The following SLC1A3 variants were observed in gnomAD, a reference collection of about 807,000 sequenced individuals.
The protein encoded by SLC1A3 is excitatory amino acid transporter 1.
SLC1A3 carries 21 observed loss-of-function variants against 48.1 expected under a neutral mutation model. That is an observed-to-expected ratio of 0.44 (90% CI 0.31 to 0.63). SLC1A3 has a LOEUF of 0.63. SLC1A3 is among the 20% of genes least tolerant of loss of function. The pLI, the probability that SLC1A3 is intolerant of heterozygous loss-of-function variation, is 0.08. For synonymous variants in SLC1A3, 239 were observed against 251.4 expected, an observed-to-expected ratio of 0.95 and a Z score of 0.47; for missense variants, 546 against 689.0, an observed-to-expected ratio of 0.79 and a Z score of 2.32.
At chr5:36,670,000 A>G (rs1302515096) in intron 3 of SLC1A3, 1 of 152,016 alleles carries the variant, frequency 6.6e-6, no homozygotes, top group Non-Finnish European at 1.5e-5. Context: ...GGATTACACT[A>G]TAATTGGATT....
chr5:36,622,984 C>A (rs1177057389), intron 2 of SLC1A3, among the ~76,000 whole-genome samples: 1 of 148,206 alleles, frequency 6.7e-6, no homozygotes, highest in South Asian at 2.1e-4. Flanking sequence ...TGCACTGCAG[C>A]CTGGGCTACA....
chr5:36,652,350 T>C (rs1205034570), intron 3 of SLC1A3, among the ~76,000 whole-genome samples: 1 of 151,748 alleles, frequency 6.6e-6, no homozygotes, highest in Non-Finnish European at 1.5e-5. Flanking sequence ...ACACACAACA[T>C]TCACTCTCCT....
chr5:36,662,660 G>T (rs963071631), intron 3 of SLC1A3, among the ~76,000 whole-genome samples: 1 of 152,228 alleles, frequency 6.6e-6, no homozygotes, highest in Non-Finnish European at 1.5e-5. Flanking sequence ...ACCTCGCAGC[G>T]GGGCTCGCGC....
chr5:36,617,157 G>A (rs951547703), intron 2 of SLC1A3, among the ~76,000 whole-genome samples: 1 of 151,944 alleles, frequency 6.6e-6, no homozygotes, highest in Non-Finnish European at 1.5e-5. Flanking sequence ...TTTCAGATTC[G>A]CTTCCTTGTC....
chr5:36,676,023 T>C (rs911314505), intron 5 of SLC1A3, among the ~76,000 whole-genome samples: 2 of 152,192 alleles, frequency 1.3e-5, no homozygotes, highest in Admixed American at 1.3e-4. Flanking sequence ...TTTACTTGTT[T>C]CATGTGGCCA....
chr5:36,679,873 G>A lies in SLC1A3; in HGVS notation c.1094+13G>A. ...GGACCTCTTCAAGGTATGTATGTATGTGTGGAAAATGAGTCTGAAATGTTA... is the reference window on the plus strand; with the variant it reads ...GGACCTCTTCAAGGTATGTATGTATATGTGGAAAATGAGTCTGAAATGTTA... On this transcript the variant is annotated intron_variant, in intron 7 of 9. Coordinates refer to ENST00000265113, the MANE Select transcript of SLC1A3 (RefSeq NM_004172.5). 6.3e-7 allele frequency: 1 copy of A among 1,583,146 alleles called. No homozygotes were observed. Among genetic ancestry groups the A allele is most frequent in the Non-Finnish European group, 8.7e-7 (1 of 1,151,920 alleles).
In SLC1A3 at chr5:36,676,962, T is replaced by C; in HGVS notation, c.638T>C (p.Val213Ala). 1 of 1,614,078 alleles carries C rather than the reference T, an allele frequency of 6.2e-7. No homozygotes were observed. ...IQANETLVGA[V>A]INNVSEAMET... ...GCCAACGAAACGCTTGTGGGTGCTG[T>C]GATAAACAATGTGTCTGAGGCCATG... Residue 213 changes from valine (V) to alanine (A), a missense_variant, in exon 6 of 10, where the codon GTG becomes GCG. Val to Ala is a moderately conservative substitution (Grantham distance 64). Coordinates refer to ENST00000265113, the MANE Select transcript of SLC1A3 (RefSeq NM_004172.5).
rs17853737 is a variant in SLC1A3, at chr5:36,686,086, C to T, written c.1446C>T (p.Thr482=). The change falls in exon 10 of 10, where the codon ACC becomes ACT. Residue 482 remains threonine, a synonymous_variant. Transcript: ENST00000265113. ...GCAGGGATCGCCTCCGGACCACCAC[C>T]AACGTACTGGGAGACTCCCTGGGAG... is the stretch of plus-strand genomic sequence containing the variant. ...DWFLDRLRTT[T]NVLGDSLGAG... 3 of 1,614,124 alleles carry T rather than the reference C, an allele frequency of 1.9e-6. No homozygotes were observed. Among genetic ancestry groups the T allele is most frequent in the East Asian group, 4.5e-5 (2 of 44,872 alleles).
chr5:36,671,180 A>G lies in SLC1A3; in HGVS notation c.471A>G (p.Arg157=), dbSNP rs1216325178. The G allele has an allele frequency of 1.2e-6, 2 of 1,614,008 alleles. No homozygotes were observed. The highest frequency in any genetic ancestry group is 1.7e-6 in the Non-Finnish European group (2 of 1,179,882). Residue 157 remains arginine, a synonymous_variant, in exon 4 of 10, where the codon AGA becomes AGG. Transcript: ENST00000265113. ...PGKGTKENMH[R]EGKIVRVTAA... ...AGGGCACAAAGGAAAACATGCACAG[A>G]GAAGGCAAAATTGTACGAGTGACAG...
In SLC1A3 at chr5:36,679,733, G is replaced by A. The variant is rs1288447514; in HGVS notation, c.967G>A (p.Val323Ile). Residue 323 changes from valine to isoleucine, a missense_variant, in exon 7 of 10, where the codon GTT (valine) becomes ATT (isoleucine). By Grantham distance (29) the Val-to-Ile change is conservative. Around this residue, in one of 3 missense-constraint regions of SLC1A3, gnomAD observed 142 missense variants for 238.0 expected, o/e 0.60. Transcript: ENST00000265113. Reference protein sequence around the residue: ...QLAMYTVTVIVGLLIHAVIVL... With the variant: ...QLAMYTVTVIIGLLIHAVIVL... Reference sequence around the variant, plus strand: ...TGCCATGTACACCGTGACTGTCATTGTTGGCTTACTCATTCACGCAGTCAT... The same window carrying A: ...TGCCATGTACACCGTGACTGTCATTATTGGCTTACTCATTCACGCAGTCAT... 6.2e-7 allele frequency: 1 copy of A among 1,613,950 alleles called. No individual in the cohort carries two copies. Among genetic ancestry groups the A allele is most frequent in the African/African-American group, 1.3e-5 (1 of 74,892 alleles).
intron 6 of SLC1A3, among the ~76,000 whole-genome samples, chr5:36,677,685 A>G (rs1742269810): frequency 6.6e-6 from 1 of 152,234 alleles, no homozygotes; most frequent in Non-Finnish European, 1.5e-5. Flanking sequence ...AGAAGGCACA[A>G]AGTTTGCCTT....
chr5:36,631,771 A>G (rs1740142756), intron 3 of SLC1A3, among the ~76,000 whole-genome samples: 1 of 152,374 alleles, frequency 6.6e-6, no homozygotes, highest in Non-Finnish European at 1.5e-5. Flanking sequence ...GGAATGAATG[A>G]TGGATTCAGT....
chr5:36,646,702 TAGTGGA>T (rs1740854573), intron 3 of SLC1A3, among the ~76,000 whole-genome samples: 1 of 152,194 alleles, frequency 6.6e-6, no homozygotes, highest in African/African-American at 2.4e-5. Context: ...TTGACCTCCC[TAGTGGA>T]AAGACAGGAT....
chr5:36,660,596 A>G (rs781520576), intron 3 of SLC1A3, among the ~76,000 whole-genome samples: 85 of 152,228 alleles, frequency 5.6e-4, no homozygotes, highest in Non-Finnish European at 1.6e-4. Flanking sequence ...ATGTTCTGTT[A>G]CAATGGTAAC....
upstream of SLC1A3, among the ~76,000 whole-genome samples, chr5:36,604,170 G>A (rs1280306649): frequency 6.6e-6 from 1 of 151,740 alleles, no homozygotes; most frequent in Non-Finnish European, 1.5e-5. Context: ...TTTTTCAGCA[G>A]GAACAGCATT....
At chr5:36,661,004 C>T (rs376637923) in intron 3 of SLC1A3, among the ~76,000 whole-genome samples, 48 of 152,320 alleles carry the variant, frequency 3.2e-4, no homozygotes, top group African/African-American at 1.1e-3. Flanking sequence ...TCCTCAGCCC[C>T]AGCTCTATCA....
At chr5:36,647,581 A>G (rs777436394) in intron 3 of SLC1A3, among the ~76,000 whole-genome samples, 1 of 152,182 alleles carries the variant, frequency 6.6e-6, no homozygotes, top group Non-Finnish European at 1.5e-5. Context: ...CATTTAACCA[A>G]TTTTACTTTG....
intron 2 of SLC1A3, among the ~76,000 whole-genome samples, chr5:36,614,396 T>C (rs1265159438): frequency 4.6e-5 from 7 of 152,178 alleles, no homozygotes; most frequent in African/African-American, 1.7e-4. Flanking sequence ...TGGCTTCTAT[T>C]TCCTTAGCTA....
intron 2 of SLC1A3, among the ~76,000 whole-genome samples, chr5:36,622,641 T>C (rs1439113071): frequency 6.6e-6 from 1 of 152,224 alleles, no homozygotes; most frequent in African/African-American, 2.4e-5. Flanking sequence ...AAACCTATGA[T>C]ATCTTCTTTC....
Sources: allele counts gnomAD v4.1 joint callset (sites outside exome capture counted in the v4.1 genomes callset), GRCh38; gene constraint gnomAD v4.1.1; regional missense constraint gnomAD v4.1.1; transcripts MANE v1.5; gene names NCBI Gene and HGNC (gene_info 2026-07-23, HGNC 2026-07-21).